Variants in GRAP2 observed in about 807,000 individuals in gnomAD.
GRAP2 encodes GRB2-related adapter protein 2.
A neutral mutation model predicts 43.5 loss-of-function variants in GRAP2; 31 were observed. That is an observed-to-expected ratio of 0.71 (90% CI 0.54 to 0.96). GRAP2 has a LOEUF of 0.96. Ranked by LOEUF, GRAP2 falls within the 40% of genes least tolerant of loss-of-function variation. The probability of loss-of-function intolerance (pLI) is 0.00; values close to 1 mark genes in which losing one functional copy is unlikely to be tolerated. For synonymous variants in GRAP2, 156 were observed against 164.8 expected (o/e 0.95, Z 0.41); for missense variants, 371 against 424.4 (o/e 0.87, Z 1.11).
intron 4 of GRAP2, among the ~76,000 whole-genome samples, chr22:39,963,612 C>G (rs1427661636): frequency 1.3e-5 from 2 of 152,156 alleles, no homozygotes; most frequent in East Asian, 1.9e-4. Flanking sequence ...CAAGAGGCCA[C>G]TTGTACAACC....
At position 39,909,791 on chromosome 22, in the gene GRAP2, G is replaced by A. The variant is rs1031911579; in HGVS notation, c.-15+8461G>A. On this transcript the variant is annotated intron_variant, in intron 1 of 7. Transcript: ENST00000344138. ...TTAGAAAGAACTTCTTGAAGGAGGT[G>A]CATCTGTAGGCTGAGAGAGATGGTT... is the stretch of plus-strand genomic sequence containing the variant. Among the ~76,000 whole-genome samples the A allele has an allele frequency of 2.6e-5, 4 of 152,326 alleles. No individual in the cohort carries two copies. The South Asian group carries it at 8.3e-4, about 32-fold the overall frequency.
chr22:39,935,320 C>T (rs1408696240), intron 1 of GRAP2, among the ~76,000 whole-genome samples: 2 of 152,280 alleles, frequency 1.3e-5, no homozygotes, highest in South Asian at 2.1e-4. Context: ...CCCAGCCGTC[C>T]CCGATGCCCA....
intron 1 of GRAP2, among the ~76,000 whole-genome samples, chr22:39,933,211 G>A (rs974438027): frequency 1.3e-5 from 2 of 152,230 alleles, no homozygotes; most frequent in African/African-American, 4.8e-5. Context: ...GATGAGAAGC[G>A]CACTGGATGC....
intron 1 of GRAP2, among the ~76,000 whole-genome samples, chr22:39,925,207 A>C (rs1025179510): frequency 1.3e-5 from 2 of 152,248 alleles, no homozygotes; most frequent in Non-Finnish European, 2.9e-5. Context: ...TAAATCTAGC[A>C]GGGATCAGTG....
chr22:39,953,198 C>A (rs575419192), intron 2 of GRAP2, among the ~76,000 whole-genome samples: 2 of 152,216 alleles, frequency 1.3e-5, no homozygotes, highest in African/African-American at 2.4e-5. Flanking sequence ...CTTAGCCTCT[C>A]TCCTGGGTCC....
chr22:39,897,321 A>C (rs1649485437), upstream of GRAP2, among the ~76,000 whole-genome samples: 1 of 152,076 alleles, frequency 6.6e-6, no homozygotes, highest in Admixed American at 6.6e-5. Flanking sequence ...TTACCTTTGA[A>C]ATACAAGGTG....
At chr22:39,954,842 A>G (rs981841742) in intron 2 of GRAP2, among the ~76,000 whole-genome samples, 1 of 152,252 alleles carries the variant, frequency 6.6e-6, no homozygotes, top group Non-Finnish European at 1.5e-5. Flanking sequence ...TTGGGGTCAC[A>G]GTCAAAGTCA....
chr22:39,969,602 A>G, intron 7 of GRAP2, 69 bp downstream of exon 7: 2 of 1,538,118 alleles, frequency 1.3e-6, no homozygotes, highest in Non-Finnish European at 8.9e-7. Flanking sequence ...GGAGGAGATG[A>G]GGCAGGAGAG....
intron 1 of GRAP2, among the ~76,000 whole-genome samples, chr22:39,942,818 G>C (rs1248294966): frequency 6.6e-6 from 1 of 152,128 alleles, no homozygotes; most frequent in Non-Finnish European, 1.5e-5. Context: ...AATTAATTTT[G>C]TTGCTGATGT....
chr22:39,920,443 A>G (rs2066639811), intron 1 of GRAP2, among the ~76,000 whole-genome samples: 1 of 152,058 alleles, frequency 6.6e-6, no homozygotes, highest in Non-Finnish European at 1.5e-5. Context: ...CACCCTTCTC[A>G]CGGGGCTCCT....
At chr22:39,942,254 G>A (rs1411696123) in intron 1 of GRAP2, among the ~76,000 whole-genome samples, 2 of 152,104 alleles carry the variant, frequency 1.3e-5, no homozygotes, top group Non-Finnish European at 2.9e-5. Flanking sequence ...TGATTAAGCT[G>A]ACCTTGTCAA....
intron 1 of GRAP2, among the ~76,000 whole-genome samples, chr22:39,915,535 T>C (rs554681483): frequency 5.9e-5 from 9 of 152,332 alleles, no homozygotes; most frequent in African/African-American, 2.2e-4. Flanking sequence ...CCTTTGTCTC[T>C]CCCAGATTGC....
chr22:39,916,543 A>T (rs1303988523), intron 1 of GRAP2, among the ~76,000 whole-genome samples: 1 of 152,230 alleles, frequency 6.6e-6, no homozygotes, highest in South Asian at 2.1e-4. Flanking sequence ...ATCCCATCCT[A>T]TTTAAAAGTT....
intron 1 of GRAP2, among the ~76,000 whole-genome samples, chr22:39,938,583 G>A (rs757398084): frequency 1.3e-5 from 2 of 152,224 alleles, no homozygotes; most frequent in African/African-American, 2.4e-5. Flanking sequence ...GAATGCAAGG[G>A]CAGGTAAAGC....
chr22:39,913,317 G>A (rs2066580526), intron 1 of GRAP2, among the ~76,000 whole-genome samples: 1 of 152,032 alleles, frequency 6.6e-6, no homozygotes, highest in Non-Finnish European at 1.5e-5. Context: ...GTTCTAGAGT[G>A]GATACCAGGT....
At chr22:39,966,908 C>T (rs2067180345) in intron 5 of GRAP2, among the ~76,000 whole-genome samples, 1 of 152,160 alleles carries the variant, frequency 6.6e-6, no homozygotes, top group South Asian at 2.1e-4. Flanking sequence ...TGACTTAATA[C>T]AGCTAAGCAC....
At chr22:39,929,587 G>A (rs746300606) in intron 1 of GRAP2, among the ~76,000 whole-genome samples, 19 of 152,034 alleles carry the variant, frequency 1.2e-4, no homozygotes, top group Admixed American at 7.2e-4. Flanking sequence ...GGGGAGATGC[G>A]TCTCCTGCTG....
At position 39,972,349 on chromosome 22, in the gene GRAP2, G is replaced by C. The variant is rs1471126545; in HGVS notation, c.*1265G>C. 6.6e-6 allele frequency: 1 copy of C among 152,368 alleles called. No homozygotes were observed. Among genetic ancestry groups the C allele is most frequent in the Non-Finnish European group, 1.5e-5 (1 of 68,098 alleles). The allele number at this position is 152,368 out of a possible 1,614,324, so 9.4% of individuals were successfully genotyped here. The stretch of plus-strand genomic sequence containing the variant: ...CACCAAGTGCACTCGGAGTTTGTGG[G>C]TATGGGTGTGTACCCCTGCAGGTGT... On this transcript the variant is annotated 3_prime_UTR_variant, in exon 8 of 8. Coordinates refer to ENST00000344138, the MANE Select transcript of GRAP2 (RefSeq NM_004810.4).
upstream of GRAP2, among the ~76,000 whole-genome samples, chr22:39,898,696 C>A (rs2066474871): frequency 6.6e-6 from 1 of 152,000 alleles, no homozygotes; most frequent in Admixed American, 6.5e-5. Flanking sequence ...GCCTGCAATC[C>A]CAGCTACTCG....
Sources: gnomAD v4.1 joint callset for allele counts (sites outside exome capture counted in the v4.1 genomes callset) on GRCh38, gnomAD v4.1.1 for gene constraint, MANE v1.5 for transcripts, NCBI Gene and HGNC (gene_info 2026-07-23, HGNC 2026-07-21) for gene names.